The following SPRED2 variants were observed in gnomAD, a reference collection of about 807,000 sequenced individuals.
SPRED2 encodes sprouty-related, EVH1 domain-containing protein 2.
In SPRED2, 47 loss-of-function variants were observed where a neutral mutation model predicts 43.0. The ratio of observed to expected loss-of-function variants is 1.09; its 90% CI spans 0.87 to 1.40. The LOEUF (loss-of-function observed/expected upper bound fraction) is 1.40, where lower values mean the gene tolerates loss of function less well. Ranked by LOEUF, SPRED2 falls within the 40% of genes most tolerant of loss-of-function variation. The pLI, the probability that SPRED2 is intolerant of heterozygous loss-of-function variation, is 0.00. For missense variants in SPRED2, 561 were observed against 586.4 expected, an observed-to-expected ratio of 0.96 and a Z score of 0.45; for synonymous variants, 225 against 225.7, an observed-to-expected ratio of 1.00 and a Z score of 0.03.
chr2:65,407,635 G>T (rs2103749210), intron 1 of SPRED2, among the ~76,000 whole-genome samples: 1 of 152,264 alleles, frequency 6.6e-6, no homozygotes, highest in East Asian at 1.9e-4. Context: ...CTAGGTTTGG[G>T]TGTCTGGTTT....
intron 1 of SPRED2, among the ~76,000 whole-genome samples, chr2:65,401,937 G>GTGCGCGCGCGCACACACACA (rs1553426614): frequency 1.0e-4 from 12 of 114,762 alleles, no homozygotes; most frequent in African/African-American, 4.0e-4. Flanking sequence ...GCGCGCGCGC[G>GTGCGCGCGCGCACACACACA]CACACACACA....
At chr2:65,386,061 G>C (rs1238805729) in intron 1 of SPRED2, among the ~76,000 whole-genome samples, 1 of 152,150 alleles carries the variant, frequency 6.6e-6, no homozygotes, top group Non-Finnish European at 1.5e-5. Flanking sequence ...GGGGCGGGAG[G>C]ATCGCCTGAG....
intron 1 of SPRED2, among the ~76,000 whole-genome samples, chr2:65,379,877 A>G (rs198478): frequency 0.48 from 72,913 of 151,974 alleles, 18,455 homozygotes; most frequent in African/African-American, 0.64. Context: ...AGATGAACCT[A>G]TTAGTCATCA....
intron 1 of SPRED2, among the ~76,000 whole-genome samples, chr2:65,422,436 C>T (rs1306726972): frequency 6.6e-6 from 1 of 152,122 alleles, no homozygotes; most frequent in African/African-American, 2.4e-5. Context: ...GTAAGTGCCC[C>T]GAGAGCAGGG....
intron 1 of SPRED2, among the ~76,000 whole-genome samples, chr2:65,378,557 A>G (rs1675299041): frequency 6.6e-6 from 1 of 152,214 alleles, no homozygotes; most frequent in Non-Finnish European, 1.5e-5. Flanking sequence ...TAAAAAGGAA[A>G]AAGAGCTGTT....
At chr2:65,339,200 C>A (rs1366532078) in intron 2 of SPRED2, among the ~76,000 whole-genome samples, 5 of 149,570 alleles carry the variant, frequency 3.3e-5, no homozygotes, top group African/African-American at 1.0e-4. Context: ...CCCCTCTGCC[C>A]AGCCACCACC....
chr2:65,380,456 C>G (rs1675345958), intron 1 of SPRED2, among the ~76,000 whole-genome samples: 1 of 152,088 alleles, frequency 6.6e-6, no homozygotes, highest in African/African-American at 2.4e-5. Context: ...ATGGAACTGC[C>G]TTCGAGGCTA....
intron 1 of SPRED2, among the ~76,000 whole-genome samples, chr2:65,362,203 T>C (rs569881502): frequency 1.3e-5 from 2 of 152,166 alleles, no homozygotes; most frequent in Non-Finnish European, 2.9e-5. Flanking sequence ...CCAAAAGCTC[T>C]AAGAGGGCTG....
chr2:65,377,736 G>A (rs1419557133), intron 1 of SPRED2: 8 of 470,838 alleles, frequency 1.7e-5, no homozygotes, highest in Non-Finnish European at 3.5e-5. Flanking sequence ...CCTTCCATCA[G>A]AACACAAGTC....
At chr2:65,408,906 T>C (rs916107646) in intron 1 of SPRED2, among the ~76,000 whole-genome samples, 1 of 152,112 alleles carries the variant, frequency 6.6e-6, no homozygotes, top group African/African-American at 2.4e-5. Flanking sequence ...CCATAAATAT[T>C]GCCCTAATTC....
chr2:65,411,899 A>G (rs1676169038), intron 1 of SPRED2, among the ~76,000 whole-genome samples: 1 of 152,096 alleles, frequency 6.6e-6, no homozygotes, highest in Admixed American at 6.6e-5. Flanking sequence ...GGGCCGAGGC[A>G]GGCGGATCAC....
chr2:65,311,262 C>T lies in SPRED2; in HGVS notation c.*2239G>A, dbSNP rs890684513. On this transcript the variant is annotated 3_prime_UTR_variant, in exon 6 of 6. Coordinates refer to ENST00000356388, the MANE Select transcript of SPRED2 (RefSeq NM_181784.3). The stretch of plus-strand genomic sequence containing the variant: ...TCAGCTGCAGTGTGGCAATTAGAGA[C>T]GTATTTACATAAATGTCCCCATGGC... 2.5e-5 allele frequency: 25 copies of T among 985,704 alleles called. No individual in the cohort carries two copies. Among genetic ancestry groups the T allele is most frequent in the Admixed American group, 6.2e-5 (1 of 16,252 alleles). The allele number at this position is 985,704 out of a possible 1,614,324, so 61.1% of individuals were successfully genotyped here.
At chr2:65,308,068 C>T (rs1442802567), downstream of SPRED2, among the ~76,000 whole-genome samples, 1 of 152,186 alleles carries the variant, frequency 6.6e-6, no homozygotes, top group Non-Finnish European at 1.5e-5. Context: ...TACTTTTTCC[C>T]CTGGGAAGTG....
At chr2:65,334,797 T>C in intron 2 of SPRED2, 24 bp from the exon 3 acceptor site, 1 of 1,612,992 alleles carries the variant, frequency 6.2e-7, no homozygotes, top group South Asian at 1.1e-5. Context: ...ACACACAGGC[T>C]GGTTACTAGT....
intron 1 of SPRED2, among the ~76,000 whole-genome samples, chr2:65,362,659 G>C (rs1376604866): frequency 1.3e-5 from 2 of 152,046 alleles, no homozygotes; most frequent in African/African-American, 4.8e-5. Flanking sequence ...AGGGGTTCGA[G>C]ACCAGCCTGG....
intron 4 of SPRED2, among the ~76,000 whole-genome samples, chr2:65,330,743 G>A (rs1673788204): frequency 6.6e-6 from 1 of 152,186 alleles, no homozygotes; most frequent in South Asian, 2.1e-4. Context: ...TAGTGTCACT[G>A]CCCTTAAATT....
intron 1 of SPRED2, among the ~76,000 whole-genome samples, chr2:65,345,218 T>A (rs1462546949): frequency 6.6e-6 from 1 of 151,928 alleles, no homozygotes; most frequent in Non-Finnish European, 1.5e-5. Context: ...TCAGTATCTT[T>A]AGGTTGGAAA....
intron 1 of SPRED2, among the ~76,000 whole-genome samples, chr2:65,392,357 G>A: frequency 6.6e-6 from 1 of 151,380 alleles, no homozygotes; most frequent in Non-Finnish European, 1.5e-5. Context: ...TTTAATTTTT[G>A]TAGAGACAGG....
At chr2:65,323,263 G>C (rs916187289) in intron 4 of SPRED2, among the ~76,000 whole-genome samples, 1 of 152,124 alleles carries the variant, frequency 6.6e-6, no homozygotes, top group African/African-American at 2.4e-5. Flanking sequence ...CCAAAGTGCT[G>C]GGATTACAGG....
Sources: allele counts gnomAD v4.1 joint callset (sites outside exome capture counted in the v4.1 genomes callset), GRCh38; gene constraint gnomAD v4.1.1; transcripts MANE v1.5; gene names NCBI Gene and HGNC (gene_info 2026-07-23, HGNC 2026-07-21).